The following B3GALT1 variants were observed in gnomAD, a reference collection of about 807,000 sequenced individuals.
B3GALT1 encodes UDP-Gal:betaGlcNAc beta 1,3-galactosyltransferase, polypeptide 1.
A neutral mutation model predicts 23.2 loss-of-function variants in B3GALT1; 10 were observed. The ratio of observed to expected loss-of-function variants is 0.43; its 90% CI spans 0.27 to 0.73. B3GALT1 has a LOEUF of 0.73. Ranked by LOEUF, B3GALT1 falls within the 30% of genes least tolerant of loss-of-function variation. The pLI is 0.21. For missense variants in B3GALT1, 299 were observed against 405.4 expected (o/e 0.74, Z 2.25); for synonymous variants, 156 against 141.5 (o/e 1.10, Z -0.73).
At chr2:167,677,070 G>T (rs1175564599) in intron 3 of B3GALT1, among the ~76,000 whole-genome samples, 2 of 152,118 alleles carry the variant, frequency 1.3e-5, no homozygotes, top group Non-Finnish European at 2.9e-5. Context: ...TCAGGAGCTG[G>T]GTGAGGGGTA....
chr2:167,744,827 A>T (rs1026275125), intron 3 of B3GALT1, among the ~76,000 whole-genome samples: 1 of 152,134 alleles, frequency 6.6e-6, no homozygotes, highest in Admixed American at 6.6e-5. Flanking sequence ...TGACCTCGTG[A>T]TCCGCCTGCC....
chr2:167,496,983 A>G (rs983652068), intron 2 of B3GALT1, among the ~76,000 whole-genome samples: 4 of 152,204 alleles, frequency 2.6e-5, no homozygotes, highest in Non-Finnish European at 5.9e-5. Context: ...GCAGCACACC[A>G]ACATGGCACA....
intron 3 of B3GALT1, among the ~76,000 whole-genome samples, chr2:167,666,060 A>C (rs115804869): frequency 0.017 from 2,529 of 147,820 alleles, 65 homozygotes; most frequent in African/African-American, 0.058. Context: ...ATGTTAGGAT[A>C]TTTCCTGCTT....
chr2:167,734,716 G>A (rs893517866), intron 3 of B3GALT1, among the ~76,000 whole-genome samples: 5 of 152,154 alleles, frequency 3.3e-5, no homozygotes. Flanking sequence ...GATTCCCCAA[G>A]TATCGTTCCT....
At chr2:167,792,930 G>A (rs1025099754) in intron 3 of B3GALT1, among the ~76,000 whole-genome samples, 12 of 151,312 alleles carry the variant, frequency 7.9e-5, no homozygotes, top group African/African-American at 2.7e-4. Context: ...AGGAAATAAA[G>A]GAAGATGACT....
chr2:167,731,912 C>CCATTCCT (rs1195308769), intron 3 of B3GALT1, among the ~76,000 whole-genome samples: 1 of 152,156 alleles, frequency 6.6e-6, no homozygotes, highest in East Asian at 1.9e-4. Flanking sequence ...ACTGTTTTTC[C>CCATTCCT]CATTCCTCAA....
At chr2:167,550,343 A>G (rs114561461) in intron 2 of B3GALT1, among the ~76,000 whole-genome samples, 2,006 of 152,352 alleles carry the variant, frequency 0.013, 18 homozygotes, top group Middle Eastern at 0.02. Flanking sequence ...GTGACCTAAA[A>G]TGCAATAAGT....
chr2:167,440,990 G>T (rs1698884529), intron 1 of B3GALT1, among the ~76,000 whole-genome samples: 1 of 151,994 alleles, frequency 6.6e-6, no homozygotes, highest in Non-Finnish European at 1.5e-5. Context: ...TTATTCATTT[G>T]ATATTATAAA....
chr2:167,465,048 G>A (rs1699323662), intron 1 of B3GALT1, among the ~76,000 whole-genome samples: 1 of 152,102 alleles, frequency 6.6e-6, no homozygotes, highest in East Asian at 1.9e-4. Context: ...GGGGGTGCCT[G>A]CTACCTGCTG....
At chr2:167,841,712 C>G (rs1361637389) in intron 4 of B3GALT1, among the ~76,000 whole-genome samples, 1 of 152,110 alleles carries the variant, frequency 6.6e-6, no homozygotes, top group Non-Finnish European at 1.5e-5. Context: ...AGCCACTGAG[C>G]CATGCTCCTA....
intron 1 of B3GALT1, among the ~76,000 whole-genome samples, chr2:167,417,738 G>A (rs1698491273): frequency 6.6e-6 from 1 of 152,140 alleles, no homozygotes; most frequent in African/African-American, 2.4e-5. Flanking sequence ...TCACCCATCA[G>A]GCCCAGTGAG....
At chr2:167,739,881 A>G (rs936638082) in intron 3 of B3GALT1, among the ~76,000 whole-genome samples, 2 of 149,826 alleles carry the variant, frequency 1.3e-5, no homozygotes, top group Non-Finnish European at 3.0e-5. Flanking sequence ...GCTTGAGCCC[A>G]GGAGTTTGAG....
At chr2:167,663,148 C>T (rs1380518687) in intron 3 of B3GALT1, among the ~76,000 whole-genome samples, 1 of 135,906 alleles carries the variant, frequency 7.4e-6, no homozygotes, top group Non-Finnish European at 1.5e-5. Context: ...TGTGATGTTC[C>T]CCTTCCTGTG....
At chr2:167,599,273 T>C (rs563502533) in intron 2 of B3GALT1, among the ~76,000 whole-genome samples, 74 of 152,366 alleles carry the variant, frequency 4.9e-4, no homozygotes, top group African/African-American at 1.7e-3. Context: ...TTTTTTATTA[T>C]GTTTTGTGTG....
At chr2:167,762,596 A>C (rs1197608170) in intron 3 of B3GALT1, among the ~76,000 whole-genome samples, 1 of 151,726 alleles carries the variant, frequency 6.6e-6, no homozygotes, top group Non-Finnish European at 1.5e-5. Context: ...AAAAAAAAAA[A>C]CACTAATGAA....
intron 2 of B3GALT1, among the ~76,000 whole-genome samples, chr2:167,591,266 TC>T (rs1287174076): frequency 6.6e-6 from 1 of 151,912 alleles, no homozygotes; most frequent in Non-Finnish European, 1.5e-5. Flanking sequence ...CATTCAAAAG[TC>T]ATGATCTGGG....
intron 1 of B3GALT1, among the ~76,000 whole-genome samples, chr2:167,368,598 T>C (rs1697627947): frequency 6.6e-6 from 1 of 152,196 alleles, no homozygotes; most frequent in African/African-American, 2.4e-5. Context: ...CCTCATTTTG[T>C]AGTTTTGCGT....
At chr2:167,697,079 G>A (rs1053312782) in intron 3 of B3GALT1, among the ~76,000 whole-genome samples, 4 of 152,114 alleles carry the variant, frequency 2.6e-5, no homozygotes, top group African/African-American at 9.7e-5. Context: ...ATATTGCCTT[G>A]ACTGACTGAT....
intron 3 of B3GALT1, among the ~76,000 whole-genome samples, chr2:167,792,461 C>T (rs996259593): frequency 9.2e-5 from 14 of 152,144 alleles, no homozygotes; most frequent in African/African-American, 2.9e-4. Context: ...TGAAGTGGTA[C>T]AAAGAGGGAG....
Sources: gnomAD v4.1 joint callset for allele counts (sites outside exome capture counted in the v4.1 genomes callset) on GRCh38, gnomAD v4.1.1 for gene constraint, MANE v1.5 for transcripts, NCBI Gene and HGNC (gene_info 2026-07-23, HGNC 2026-07-21) for gene names.